PRKCA: variants seen among roughly 807,000 people sequenced by gnomAD.
PRKCA encodes protein kinase C alpha type.
A neutral mutation model predicts 87.0 loss-of-function variants in PRKCA; 27 were observed. The observed-to-expected ratio is 0.31, with a 90% CI of 0.23 to 0.43. The LOEUF is 0.43. PRKCA is among the 20% of genes least tolerant of loss of function. PRKCA has a pLI of 1.00. For synonymous variants in PRKCA, 329 were observed against 311.1 expected (o/e 1.06, Z -0.61); for missense variants, 518 against 852.3 (o/e 0.61, Z 4.88).
chr17:66,765,367 C>A (rs1350562539), intron 13 of PRKCA, among the ~76,000 whole-genome samples: 2 of 134,998 alleles, frequency 1.5e-5, no homozygotes, highest in Admixed American at 1.6e-4. Flanking sequence ...GAGCCGAGAT[C>A]GTGTCATCGT....
chr17:66,392,836 C>T (rs1910442405), intron 2 of PRKCA, among the ~76,000 whole-genome samples: 1 of 152,106 alleles, frequency 6.6e-6, no homozygotes, highest in Admixed American at 6.5e-5. Flanking sequence ...CTTTTTCTAC[C>T]ATATAATGGA....
At chr17:66,539,999 A>G (rs570682979) in intron 3 of PRKCA, among the ~76,000 whole-genome samples, 32 of 152,334 alleles carry the variant, frequency 2.1e-4, no homozygotes, top group African/African-American at 5.5e-4. Flanking sequence ...TCGAAAATCA[A>G]TTTAAACATG....
chr17:66,664,460 A>C (rs1392419915), intron 5 of PRKCA, among the ~76,000 whole-genome samples: 1 of 152,154 alleles, frequency 6.6e-6, no homozygotes, highest in Non-Finnish European at 1.5e-5. Context: ...GCCCAGTCAG[A>C]GAACCCAAAG....
intron 2 of PRKCA, among the ~76,000 whole-genome samples, chr17:66,385,314 A>G (rs1030897768): frequency 6.6e-6 from 1 of 152,244 alleles, no homozygotes; most frequent in Non-Finnish European, 1.5e-5. Context: ...TGTATGTGCT[A>G]TAGAAGGAAT....
chr17:66,645,322 A>C, intron 4 of PRKCA, 61 bp from the exon 5 acceptor site: 5 of 1,609,674 alleles, frequency 3.1e-6, no homozygotes, highest in Non-Finnish European at 4.2e-6. Flanking sequence ...GCACCAAAAC[A>C]CTGAGGAGCG....
chr17:66,431,164 CCTT>C (rs1403736996), intron 2 of PRKCA, among the ~76,000 whole-genome samples: 3 of 152,142 alleles, frequency 2.0e-5, no homozygotes. Flanking sequence ...AATTTACTGT[CCTT>C]CTGATGGGAA....
At chr17:66,408,566 G>A (rs1911555423) in intron 2 of PRKCA, among the ~76,000 whole-genome samples, 1 of 152,176 alleles carries the variant, frequency 6.6e-6, no homozygotes. Flanking sequence ...TCAATCTTCT[G>A]TTACCTTATG....
At chr17:66,612,253 C>T (rs1386978860) in intron 3 of PRKCA, among the ~76,000 whole-genome samples, 4 of 151,754 alleles carry the variant, frequency 2.6e-5, no homozygotes, top group South Asian at 2.1e-4. Context: ...TGGTGGCAGG[C>T]GCCTGTAATC....
chr17:66,400,427 C>G (rs1910954924), intron 2 of PRKCA, among the ~76,000 whole-genome samples: 1 of 152,358 alleles, frequency 6.6e-6, no homozygotes. Flanking sequence ...GCTGGGATTA[C>G]AGGTATGAGC....
chr17:66,441,398 C>G (rs1260286550), intron 2 of PRKCA, among the ~76,000 whole-genome samples: 1 of 146,458 alleles, frequency 6.8e-6, no homozygotes, highest in Non-Finnish European at 1.5e-5. Context: ...GCCATCTCCT[C>G]TTTCCTAAGT....
intron 8 of PRKCA, among the ~76,000 whole-genome samples, chr17:66,697,167 T>C (rs1972944001): frequency 1.3e-5 from 2 of 152,354 alleles, no homozygotes; most frequent in South Asian, 4.1e-4. Context: ...TTGAAGCACA[T>C]TGTCAGCTAA....
chr17:66,509,024 G>A (rs1205004856), intron 3 of PRKCA, among the ~76,000 whole-genome samples: 1 of 152,070 alleles, frequency 6.6e-6, no homozygotes, highest in Non-Finnish European at 1.5e-5. Context: ...CAAGGGAGTG[G>A]CAGTTTTCCA....
intron 3 of PRKCA, among the ~76,000 whole-genome samples, chr17:66,544,069 G>A (rs1968074815): frequency 6.6e-6 from 1 of 152,134 alleles, no homozygotes; most frequent in African/African-American, 2.4e-5. Flanking sequence ...ACAAAAATTA[G>A]CCACGTGTGG....
At chr17:66,611,077 T>C (rs1194009307) in intron 3 of PRKCA, among the ~76,000 whole-genome samples, 1 of 152,180 alleles carries the variant, frequency 6.6e-6, no homozygotes, top group Non-Finnish European at 1.5e-5. Flanking sequence ...TCCCTGTTGC[T>C]CAGGAATTAC....
chr17:66,773,835 G>C lies in PRKCA; in HGVS notation c.1525-152G>C, dbSNP rs1021090673. ...AGTTCTCCGTGTGTCTGATTTGAAGGGTCCTCTTCCCTTGGCGTAACATCA... is the reference window on the plus strand; with the variant it reads ...AGTTCTCCGTGTGTCTGATTTGAAGCGTCCTCTTCCCTTGGCGTAACATCA... On this transcript the variant is annotated intron_variant, in intron 13 of 16. Coordinates refer to ENST00000413366, the MANE Select transcript of PRKCA (RefSeq NM_002737.3). 2.3e-6 allele frequency: 3 copies of C among 1,296,234 alleles called. No homozygotes were observed. In the African/African-American group the frequency reaches 4.4e-5, roughly 19 times the overall value. The allele number at this position is 1,296,234 out of a possible 1,614,324, so 80.3% of individuals were successfully genotyped here. A position where few individuals can be genotyped will look rare whatever the true frequency, so the allele number is the denominator to read the frequency against.
At chr17:66,319,120 C>A (rs1254430955) in intron 2 of PRKCA, among the ~76,000 whole-genome samples, 1 of 151,922 alleles carries the variant, frequency 6.6e-6, no homozygotes, top group East Asian at 1.9e-4. Context: ...AGAGTGAGAC[C>A]CTGTCCCCTC....
chr17:66,440,082 CTGTAGGCTT>C (rs1210190527), intron 2 of PRKCA, among the ~76,000 whole-genome samples: 1 of 152,200 alleles, frequency 6.6e-6, no homozygotes, highest in Non-Finnish European at 1.5e-5. Flanking sequence ...AGGTTGCTTA[CTGTAGGCTT>C]TGATTTATTT....
intron 2 of PRKCA, among the ~76,000 whole-genome samples, chr17:66,485,394 A>G (rs553294558): frequency 3.9e-5 from 6 of 152,272 alleles, no homozygotes; most frequent in Non-Finnish European, 7.3e-5. Flanking sequence ...CATTTCTGCA[A>G]CCCTGCCAAG....
At chr17:66,594,506 G>A (rs892234765) in intron 3 of PRKCA, among the ~76,000 whole-genome samples, 1 of 152,124 alleles carries the variant, frequency 6.6e-6, no homozygotes, top group Non-Finnish European at 1.5e-5. Context: ...TGACTTCAAT[G>A]AAGGGCAAAC....
Sources: gnomAD v4.1 joint callset for allele counts (sites outside exome capture counted in the v4.1 genomes callset) on GRCh38, gnomAD v4.1.1 for gene constraint, MANE v1.5 for transcripts, NCBI Gene and HGNC (gene_info 2026-07-23, HGNC 2026-07-21) for gene names.